The following AAGAB variants were observed in gnomAD, a reference collection of about 807,000 sequenced individuals.
The protein encoded by AAGAB is alpha- and gamma-adaptin-binding protein p34.
A neutral mutation model predicts 44.1 loss-of-function variants in AAGAB; 38 were observed. That is an observed-to-expected ratio of 0.86 (90% CI 0.67 to 1.13). The LOEUF (loss-of-function observed/expected upper bound fraction) is 1.13. AAGAB is among the 50% of genes most tolerant of loss of function. The pLI, the probability that AAGAB is intolerant of heterozygous loss-of-function variation, is 0.00. For synonymous variants in AAGAB, 131 were observed against 131.8 expected, an observed-to-expected ratio of 0.99 and a Z score of 0.04; for missense variants, 450 against 373.8, an observed-to-expected ratio of 1.20 and a Z score of -1.68.
intron 5 of AAGAB, among the ~76,000 whole-genome samples, chr15:67,209,962 G>A (rs572621435): frequency 5.3e-5 from 8 of 152,148 alleles, no homozygotes; most frequent in African/African-American, 1.9e-4. Context: ...CACACCCCTG[G>A]CCCTGAATAC....
rs144338231 is a variant in AAGAB at position 67,221,971 on chromosome 15, G to C, written c.535+9843C>G. Among the ~76,000 whole-genome samples, 280 of 151,946 alleles carry C rather than the reference G, an allele frequency of 1.8e-3. 1 individual carries two copies. Among genetic ancestry groups the C allele is most frequent in the Admixed American group, 5.1e-3 (78 of 15,254 alleles). On this transcript the variant is annotated intron_variant, in intron 5 of 9. Transcript: ENST00000261880. Reference sequence around the variant, plus strand: ...AACCCCTCCATCATCTCAACTTCATGCATCACCTATTTTTCCAAGTCCCTC... The same window carrying C: ...AACCCCTCCATCATCTCAACTTCATCCATCACCTATTTTTCCAAGTCCCTC...
At position 67,201,289 on chromosome 15, in the gene AAGAB, GA is replaced by G. The variant is rs71287016; in HGVS notation, c.*1531del. 2.8e-3 allele frequency: 290 copies of G among 105,220 alleles called. No homozygotes were observed. Among genetic ancestry groups the G allele is most frequent in the Non-Finnish European group, 3.5e-3 (172 of 49,410 alleles). 6.5% of individuals were successfully genotyped at this position (105,220 alleles called of 1,614,324 possible). The stretch of plus-strand genomic sequence containing the variant: ...CTCAAAGTCTTTCAGAACAGTAAAA[GA>G]AAAAAAAAAAAAAAGGAACAAAAGG... On this transcript the variant is annotated 3_prime_UTR_variant, in exon 10 of 10. Transcript: ENST00000261880.
Position 67,231,890 on chromosome 15 carries a change from G to T in AAGAB, c.459C>A (p.Phe153Leu). ...TTCGCTTTACTCCTGTAGATTCTGG[G>T]AAGTCATCTAATCAGGGAGGGGAAA... ...PEELPEEDDD[F>L]PESTGVKRIV... Residue 153 changes from phenylalanine (F) to leucine (L), a missense_variant, in exon 5 of 10, where the codon TTC becomes TTA. Coordinates refer to ENST00000261880, the MANE Select transcript of AAGAB (RefSeq NM_024666.5). 6.2e-7 allele frequency: 1 copy of T among 1,608,368 alleles called. No homozygotes were observed. The highest frequency in any genetic ancestry group is 1.1e-5 in the South Asian group (1 of 90,998).
intron 5 of AAGAB, among the ~76,000 whole-genome samples, chr15:67,227,487 A>C (rs910681816): frequency 1.3e-5 from 2 of 152,200 alleles, no homozygotes; most frequent in African/African-American, 4.8e-5. Context: ...ACCACATCTT[A>C]TGTATATTTA....
upstream of AAGAB, chr15:67,254,856 A>C: frequency 2.5e-6 from 4 of 1,602,766 alleles, no homozygotes; most frequent in Non-Finnish European, 3.4e-6. Context: ...CCGTGCTTGG[A>C]AACCGCGCCT....
chr15:67,230,051 A>G (rs1028779103), intron 5 of AAGAB, among the ~76,000 whole-genome samples: 3 of 151,554 alleles, frequency 2.0e-5, no homozygotes, highest in African/African-American at 7.3e-5. Context: ...ACGGGGTAGC[A>G]CAATGTTGGC....
chr15:67,206,289 T>C (rs140837055), intron 7 of AAGAB, among the ~76,000 whole-genome samples: 3 of 152,394 alleles, frequency 2.0e-5, no homozygotes, highest in South Asian at 4.1e-4. Flanking sequence ...AGGGCTATTA[T>C]GTCAATATGT....
intron 5 of AAGAB, among the ~76,000 whole-genome samples, chr15:67,228,851 ATCCTAAGTGAAT>A (rs1255082755): frequency 6.6e-6 from 1 of 152,184 alleles, no homozygotes; most frequent in Non-Finnish European, 1.5e-5. Context: ...GGAGGCCATA[ATCCTAAGTGAAT>A]TAAAAGCAGC....
intron 1 of AAGAB, among the ~76,000 whole-genome samples, chr15:67,252,442 T>C (rs1271002029): frequency 6.6e-6 from 1 of 152,224 alleles, no homozygotes; most frequent in Non-Finnish European, 1.5e-5. Context: ...GAACTGTGTA[T>C]TTAAAAAATT....
intron 4 of AAGAB, among the ~76,000 whole-genome samples, chr15:67,234,531 A>C (rs904852875): frequency 1.8e-4 from 27 of 152,244 alleles, no homozygotes; most frequent in African/African-American, 6.0e-4. Flanking sequence ...AGATGAGGAA[A>C]TATGGCTTAG....
Position 67,203,592 on chromosome 15 carries a change from C to A in AAGAB, c.826G>T (p.Ala276Ser). 1 of 1,613,444 alleles carries A rather than the reference C, an allele frequency of 6.2e-7. No individual in the cohort carries two copies. The highest frequency in any genetic ancestry group is 2.2e-5 in the East Asian group (1 of 44,868). ...FSKLKEMKDK[A>S]ATLPHEQRKV... is the part of the protein sequence containing the mutation. ...CTTTGCTCATGAGGAAGCGTCGCAGCCTTGTCTAGGGGGAAAATATATCTT... is the reference window on the plus strand; with the variant it reads ...CTTTGCTCATGAGGAAGCGTCGCAGACTTGTCTAGGGGGAAAATATATCTT... Residue 276 changes from alanine (A) to serine (S), a missense_variant, in exon 9 of 10, where the codon GCT (alanine) becomes TCT (serine). Ala to Ser is a moderately conservative substitution (Grantham distance 99). Transcript: ENST00000261880.
At chr15:67,203,231 AGTTTCCTGCC>A (rs1260388811) in intron 9 of AAGAB, among the ~76,000 whole-genome samples, 1 of 152,320 alleles carries the variant, frequency 6.6e-6, no homozygotes, top group African/African-American at 2.4e-5. Flanking sequence ...CAACCATACA[AGTTTCCTGCC>A]AATAGCATGT....
intron 5 of AAGAB, 132 bp from the exon 6 acceptor site, chr15:67,209,676 A>C: frequency 5.6e-6 from 4 of 716,114 alleles, no homozygotes; most frequent in Non-Finnish European, 9.3e-6. Flanking sequence ...TTTTTGAGAC[A>C]GGGTCTCACT....
intron 5 of AAGAB, among the ~76,000 whole-genome samples, chr15:67,212,247 G>A (rs1049540464): frequency 2.0e-5 from 3 of 152,118 alleles, no homozygotes; most frequent in African/African-American, 7.2e-5. Flanking sequence ...TTAGGAGTAG[G>A]AGCTAGACTC....
At chr15:67,247,209 A>C (rs2140396645) in intron 1 of AAGAB, among the ~76,000 whole-genome samples, 1 of 152,212 alleles carries the variant, frequency 6.6e-6, no homozygotes, top group East Asian at 1.9e-4. Flanking sequence ...AACTCCGGAC[A>C]CTCACAACGA....
intron 5 of AAGAB, among the ~76,000 whole-genome samples, chr15:67,223,773 C>T (rs762455199): frequency 1.3e-5 from 2 of 152,164 alleles, no homozygotes; most frequent in Non-Finnish European, 2.9e-5. Context: ...TTATGATGGC[C>T]TTCAAAGCCC....
intron 5 of AAGAB, among the ~76,000 whole-genome samples, chr15:67,210,608 C>T (rs1433975951): frequency 2.0e-5 from 3 of 152,042 alleles, no homozygotes; most frequent in Non-Finnish European, 4.4e-5. Context: ...GTATTTACAA[C>T]GGAGGACAAA....
Position 67,231,855 on chromosome 15 carries a change from G to C in AAGAB, c.494C>G (p.Ala165Gly). The change falls in exon 5 of 10, where the codon GCC becomes GGC. Residue 165 changes from alanine (A) to glycine (G), a missense_variant. Coordinates refer to ENST00000261880, the MANE Select transcript of AAGAB (RefSeq NM_024666.5). ...ESTGVKRIVQ[A>G]LNANVWSNVV... Reference sequence around the variant, plus strand: ...ATTGGACCACACATTGGCATTCAGGGCTTGGACAATTCGCTTTACTCCTGT... The same window carrying C: ...ATTGGACCACACATTGGCATTCAGGCCTTGGACAATTCGCTTTACTCCTGT... The C allele has an allele frequency of 3.1e-6, 5 of 1,612,610 alleles. No homozygotes were observed. Among genetic ancestry groups the C allele is most frequent in the Non-Finnish European group, 4.2e-6 (5 of 1,178,884 alleles).
At chr15:67,218,207 G>C (rs1422093670) in intron 5 of AAGAB, among the ~76,000 whole-genome samples, 1 of 152,172 alleles carries the variant, frequency 6.6e-6, no homozygotes, top group Admixed American at 6.5e-5. Flanking sequence ...ATTAAAAACA[G>C]TAAAAGATCA....
Sources: gnomAD v4.1 joint callset for allele counts (sites outside exome capture counted in the v4.1 genomes callset) on GRCh38, gnomAD v4.1.1 for gene constraint, MANE v1.5 for transcripts, NCBI Gene and HGNC (gene_info 2026-07-23, HGNC 2026-07-21) for gene names.